CBFA2T2: variants seen among roughly 807,000 people sequenced by gnomAD.
CBFA2T2 encodes the protein CBFA2/RUNX1 partner transcriptional co-repressor 2, also known as protein CBFA2T2.
A neutral mutation model predicts 62.2 loss-of-function variants in CBFA2T2; 11 were observed. The ratio of observed to expected loss-of-function variants is 0.18; its 90% CI spans 0.11 to 0.29. The LOEUF (loss-of-function observed/expected upper bound fraction) is 0.29. Ranked by LOEUF, CBFA2T2 falls within the 10% of genes least tolerant of loss-of-function variation. The pLI, the probability that CBFA2T2 is intolerant of heterozygous loss-of-function variation, is 1.00. For missense variants in CBFA2T2, 592 were observed against 774.1 expected, an observed-to-expected ratio of 0.76 and a Z score of 2.79; for synonymous variants, 295 against 287.5, an observed-to-expected ratio of 1.03 and a Z score of -0.27.
Position 33,490,288 on chromosome 20 carries a change from G to T in CBFA2T2, c.21G>T (p.Ala7=), listed in dbSNP as rs2011136701. Reference sequence around the variant, plus strand: ...CGGCGATGGTAGGCGTCCCTGGAGCGGCCGCCTTCCAGCGTAAGTGGGGCG... The same window carrying T: ...CGGCGATGGTAGGCGTCCCTGGAGCTGCCGCCTTCCAGCGTAAGTGGGGCG... MVGVPG[A]AAFQLGPEKR... is the part of the protein sequence containing the mutation. Residue 7 remains alanine, a synonymous_variant, in exon 1 of 11, where the codon GCG becomes GCT. Coordinates refer to ENST00000342704, the MANE Select transcript of CBFA2T2 (RefSeq NM_001032999.3). 2 of 1,268,726 alleles carry T rather than the reference G, an allele frequency of 1.6e-6. No individual in the cohort carries two copies. Among genetic ancestry groups the T allele is most frequent in the Admixed American group, 3.8e-5 (1 of 26,210 alleles). The allele number at this position is 1,268,726 out of a possible 1,614,324, so 78.6% of individuals were successfully genotyped here.
intron 4 of CBFA2T2, among the ~76,000 whole-genome samples, chr20:33,621,590 C>T (rs752263516): frequency 4.6e-5 from 7 of 152,072 alleles, no homozygotes; most frequent in Non-Finnish European, 7.4e-5. Flanking sequence ...TGTGAGCCAC[C>T]GTGCCCAGCG....
At chr20:33,602,438 A>T (rs1230712924) in intron 1 of CBFA2T2, among the ~76,000 whole-genome samples, 5 of 98,890 alleles carry the variant, frequency 5.1e-5, no homozygotes, top group South Asian at 2.5e-4. Flanking sequence ...GTCTCTGATT[A>T]AAAAAAAAAA....
chr20:33,620,474 C>G (rs552349458), intron 4 of CBFA2T2, among the ~76,000 whole-genome samples: 2 of 151,468 alleles, frequency 1.3e-5, no homozygotes, highest in South Asian at 4.2e-4. Context: ...CCACTGCACC[C>G]CAGCCTGGGT....
intron 1 of CBFA2T2, among the ~76,000 whole-genome samples, chr20:33,568,082 G>T (rs2013412748): frequency 6.6e-6 from 1 of 152,082 alleles, no homozygotes; most frequent in African/African-American, 2.4e-5. Flanking sequence ...ATTGTGTGTG[G>T]GTTTTGACAT....
In CBFA2T2 at chr20:33,512,273, C is replaced by T. The variant is rs188980657; in HGVS notation, c.34+21972C>T. On this transcript the variant is annotated intron_variant, in intron 1 of 10. Coordinates refer to ENST00000342704, the MANE Select transcript of CBFA2T2 (RefSeq NM_001032999.3). ...GGCTGAGGCAGGAGAACCACTTGAA[C>T]CTGGGAGGCAAATGTTGCAGTGAAC... 3.0e-3 allele frequency among the ~76,000 whole-genome samples: 457 copies of T among 152,256 alleles called. 2 individuals carry two copies. The highest frequency in any genetic ancestry group is 0.011 in the African/African-American group (439 of 41,540).
chr20:33,606,308 ATCTAAAGACTGCTAAC>A lies in CBFA2T2; in HGVS notation c.35-646_35-631del, dbSNP rs1443582179. Among the ~76,000 whole-genome samples, 3 of 152,146 alleles carry A rather than the reference ATCTAAAGACTGCTAAC, an allele frequency of 2.0e-5. No individual in the cohort carries two copies. In the East Asian group the frequency reaches 5.8e-4, roughly 29 times the overall value. ...CTGGTTTCTTCCTTTCTCAGCCACT[ATCTAAAGACTGCTAAC>A]TTTCAGTTCACATCACCTCTTGACC... On this transcript the variant is annotated intron_variant, in intron 1 of 10. Coordinates refer to ENST00000342704, the MANE Select transcript of CBFA2T2 (RefSeq NM_001032999.3).
intron 1 of CBFA2T2, among the ~76,000 whole-genome samples, chr20:33,537,251 G>A (rs1435221409): frequency 3.3e-5 from 5 of 152,262 alleles, no homozygotes; most frequent in Non-Finnish European, 7.3e-5. Context: ...TCGCGAGGCC[G>A]AGGCTGGCGG....
At chr20:33,599,905 C>A (rs2015046814) in intron 1 of CBFA2T2, among the ~76,000 whole-genome samples, 1 of 152,076 alleles carries the variant, frequency 6.6e-6, no homozygotes, top group Non-Finnish European at 1.5e-5. Context: ...CTGGTAATTT[C>A]TTTGAGTCCT....
chr20:33,607,825 C>A (rs925496745), intron 2 of CBFA2T2, among the ~76,000 whole-genome samples: 3 of 152,146 alleles, frequency 2.0e-5, no homozygotes, highest in African/African-American at 7.2e-5. Flanking sequence ...GGTAAGACTT[C>A]AATGTATGAA....
At chr20:33,509,915 C>G (rs1392016878) in intron 1 of CBFA2T2, among the ~76,000 whole-genome samples, 4 of 151,646 alleles carry the variant, frequency 2.6e-5, no homozygotes, top group Non-Finnish European at 5.9e-5. Flanking sequence ...TGGTTTGCTG[C>G]ACCCATTAAC....
chr20:33,627,911 C>T (rs1309089527), intron 6 of CBFA2T2, among the ~76,000 whole-genome samples: 6 of 152,118 alleles, frequency 3.9e-5, no homozygotes, highest in African/African-American at 1.2e-4. Flanking sequence ...ACTATCCCCC[C>T]ACCAAAAAAA....
intron 2 of CBFA2T2, among the ~76,000 whole-genome samples, chr20:33,609,872 C>G (rs1207327423): frequency 6.6e-6 from 1 of 152,062 alleles, no homozygotes; most frequent in Admixed American, 6.5e-5. Flanking sequence ...TAAATTGTTT[C>G]TTATGTTTTT....
chr20:33,517,184 C>T (rs1035566175), intron 1 of CBFA2T2, among the ~76,000 whole-genome samples: 1 of 152,180 alleles, frequency 6.6e-6, no homozygotes, highest in Non-Finnish European at 1.5e-5. Flanking sequence ...GATGATGTTT[C>T]TCTATCTGCC....
chr20:33,628,835 T>A (rs2034414857), intron 7 of CBFA2T2, among the ~76,000 whole-genome samples: 1 of 152,206 alleles, frequency 6.6e-6, no homozygotes, highest in Admixed American at 6.5e-5. Flanking sequence ...AGCCATGACA[T>A]CCTTTGCTTT....
chr20:33,602,047 G>GT (rs1172425491), intron 1 of CBFA2T2: 5 of 152,068 alleles, frequency 3.3e-5, no homozygotes, highest in Admixed American at 2.0e-4. Flanking sequence ...GCTTATCCTC[G>GT]TGTCTAGCAA....
intron 1 of CBFA2T2, among the ~76,000 whole-genome samples, chr20:33,518,095 C>T (rs1450909495): frequency 4.6e-5 from 7 of 151,930 alleles, no homozygotes; most frequent in Admixed American, 3.9e-4. Flanking sequence ...ACTACAGGCA[C>T]GTGCAACCAT....
At chr20:33,508,244 G>A (rs1411519076) in intron 1 of CBFA2T2, among the ~76,000 whole-genome samples, 5 of 151,900 alleles carry the variant, frequency 3.3e-5, no homozygotes, top group Admixed American at 2.0e-4. Flanking sequence ...ACAGGTGTGC[G>A]CCACCACACC....
chr20:33,534,225 C>G (rs1267206081), intron 1 of CBFA2T2, among the ~76,000 whole-genome samples: 1 of 152,130 alleles, frequency 6.6e-6, no homozygotes, highest in Non-Finnish European at 1.5e-5. Flanking sequence ...AAAATATTTT[C>G]AAGTACTTAC....
intron 1 of CBFA2T2, among the ~76,000 whole-genome samples, chr20:33,591,316 T>C (rs910624158): frequency 1.3e-5 from 2 of 151,600 alleles, no homozygotes; most frequent in Non-Finnish European, 2.9e-5. Flanking sequence ...AAAACCCATT[T>C]CTACTTAAAA....
Sources: gnomAD v4.1 joint callset for allele counts (sites outside exome capture counted in the v4.1 genomes callset) on GRCh38, gnomAD v4.1.1 for gene constraint, MANE v1.5 for transcripts, NCBI Gene and HGNC (gene_info 2026-07-23, HGNC 2026-07-21) for gene names.